RBM19: variants seen among roughly 807,000 people sequenced by gnomAD.
RBM19 encodes the protein probable RNA-binding protein 19.
A neutral mutation model predicts 116.8 loss-of-function variants in RBM19; 94 were observed. That is an observed-to-expected ratio of 0.80 (90% CI 0.68 to 0.95). The LOEUF (loss-of-function observed/expected upper bound fraction) is 0.95, where lower values mean the gene tolerates loss of function less well. RBM19 is among the 40% of genes least tolerant of loss of function. The probability of loss-of-function intolerance (pLI) is 0.00; values close to 1 mark genes in which losing one functional copy is unlikely to be tolerated. For synonymous variants in RBM19, 475 were observed against 494.1 expected (o/e 0.96, Z 0.51); for missense variants, 1,161 against 1,220.7 (o/e 0.95, Z 0.73).
chr12:113,848,284 G>A (rs1393808938), intron 22 of RBM19, among the ~76,000 whole-genome samples: 1 of 152,220 alleles, frequency 6.6e-6, no homozygotes, highest in African/African-American at 2.4e-5. Context: ...TTTTGTATTT[G>A]AAGTTAGAGC....
intron 19 of RBM19, among the ~76,000 whole-genome samples, chr12:113,918,671 C>T (rs1386830320): frequency 6.6e-6 from 1 of 152,238 alleles, no homozygotes; most frequent in South Asian, 2.1e-4. Context: ...TGGACGCTCT[C>T]TTAAGCCACA....
In RBM19 at chr12:113,959,244, C is replaced by A. The variant is rs766571643; in HGVS notation, c.539G>T (p.Ser180Ile). 6.2e-7 allele frequency: 1 copy of A among 1,612,866 alleles called. No individual in the cohort carries two copies. The highest frequency in any genetic ancestry group is 1.7e-5 in the Admixed American group (1 of 60,016). The change falls in exon 5 of 24, where the codon AGT becomes ATT. Residue 180 changes from serine to isoleucine, a missense_variant. Ser to Ile is a moderately radical substitution (Grantham distance 142, BLOSUM62 -2). Coordinates refer to ENST00000261741, the MANE Select transcript of RBM19 (RefSeq NM_016196.4). ...GTCCTCCCCGGCTCCCTCCTCCTCA[C>A]TCTCCTGCCCAGAATCGGAGTCGAA... ...LNFDSDSGQESEEEGAGEDLE... is the reference protein window; with the variant it reads ...LNFDSDSGQEIEEEGAGEDLE...
At chr12:113,928,556 G>A (rs570705496) in intron 16 of RBM19, among the ~76,000 whole-genome samples, 8 of 150,532 alleles carry the variant, frequency 5.3e-5, no homozygotes, top group African/African-American at 9.8e-5. Context: ...ACTTTGTACC[G>A]CTTCCACTCT....
At chr12:113,824,940 T>A (rs1177830214) in intron 23 of RBM19, among the ~76,000 whole-genome samples, 1 of 152,050 alleles carries the variant, frequency 6.6e-6, no homozygotes, top group African/African-American at 2.4e-5. Context: ...TCTGGAGGCA[T>A]CACTGGAGCT....
intron 23 of RBM19, among the ~76,000 whole-genome samples, chr12:113,839,180 G>T (rs749308552): frequency 3.3e-5 from 5 of 152,242 alleles, no homozygotes; most frequent in South Asian, 2.1e-4. Flanking sequence ...GTCTGCCAGG[G>T]CCCCAGGAGC....
intron 11 of RBM19, 79 bp downstream of exon 11, chr12:113,947,255 C>T: frequency 1.4e-6 from 2 of 1,461,848 alleles, no homozygotes; most frequent in East Asian, 2.3e-5. Context: ...TGTCCACACA[C>T]ATACACACAC....
chr12:113,858,858 T>A lies in RBM19; in HGVS notation c.2597A>T (p.Lys866Met). Residue 866 changes from lysine to methionine, a missense_variant, in exon 22 of 24, where the codon AAG becomes ATG. Lys to Met is a moderately conservative substitution (Grantham distance 95, BLOSUM62 -1). Transcript: ENST00000261741. ...GELKTVRLPK[K>M]MTGTGTHRGF... ...TCTGTGTGTGCCTGTCCCAGTCATC[T>A]TCTTTGGCAGGCGGACCGTCTTCAA... is the stretch of plus-strand genomic sequence containing the variant. 1 of 1,614,202 alleles carries A rather than the reference T, an allele frequency of 6.2e-7. No homozygotes were observed. The highest frequency in any genetic ancestry group is 8.5e-7 in the Non-Finnish European group (1 of 1,180,040).
intron 21 of RBM19, among the ~76,000 whole-genome samples, chr12:113,894,695 G>A (rs1881201843): frequency 6.6e-6 from 1 of 152,224 alleles, no homozygotes; most frequent in Non-Finnish European, 1.5e-5. Context: ...CCTGCTTACA[G>A]AGCTGCATTT....
chr12:113,929,062 G>A (rs1050882101), intron 16 of RBM19, among the ~76,000 whole-genome samples: 2 of 152,150 alleles, frequency 1.3e-5, no homozygotes, highest in African/African-American at 4.8e-5. Context: ...AGAAGCACCT[G>A]GAGGTCCCAC....
chr12:113,894,821 A>G (rs757767455), intron 21 of RBM19, among the ~76,000 whole-genome samples: 12 of 152,232 alleles, frequency 7.9e-5, no homozygotes, highest in Non-Finnish European at 1.6e-4. Context: ...AGTGCTTTGC[A>G]GACAGTCAAG....
chr12:113,943,218 T>A (rs1223657547), intron 13 of RBM19, among the ~76,000 whole-genome samples: 1 of 152,232 alleles, frequency 6.6e-6, no homozygotes, highest in East Asian at 1.9e-4. Context: ...CCTCTGCTAA[T>A]GTGTCAGTGT....
intron 17 of RBM19, 93 bp from the exon 18 acceptor site, chr12:113,924,850 T>C (rs2135873930): frequency 1.9e-6 from 2 of 1,047,868 alleles, no homozygotes; most frequent in Non-Finnish European, 3.0e-6. Flanking sequence ...ATTTGCCATA[T>C]GGACACCTTG....
At chr12:113,833,516 G>A (rs1875617776) in intron 23 of RBM19, among the ~76,000 whole-genome samples, 1 of 152,216 alleles carries the variant, frequency 6.6e-6, no homozygotes, top group Non-Finnish European at 1.5e-5. Flanking sequence ...GCCCCAGGAG[G>A]AAACCCTGCT....
At chr12:113,852,907 A>C (rs1877567544) in intron 22 of RBM19, among the ~76,000 whole-genome samples, 1 of 152,232 alleles carries the variant, frequency 6.6e-6, no homozygotes, top group South Asian at 2.1e-4. Flanking sequence ...CTGACAATCT[A>C]ATAGCGATGG....
intron 21 of RBM19, among the ~76,000 whole-genome samples, chr12:113,864,084 G>A (rs1349380501): frequency 1.3e-5 from 2 of 151,920 alleles, no homozygotes; most frequent in African/African-American, 4.8e-5. Context: ...GTCTCGGTGA[G>A]CCCTTACCTA....
chr12:113,840,989 C>T (rs1421280158), intron 23 of RBM19, among the ~76,000 whole-genome samples: 4 of 152,226 alleles, frequency 2.6e-5, no homozygotes, highest in African/African-American at 9.6e-5. Context: ...GCCCATCTCC[C>T]GTGGCACTGG....
At chr12:113,928,763 T>C (rs557030725) in intron 16 of RBM19, among the ~76,000 whole-genome samples, 5 of 151,762 alleles carry the variant, frequency 3.3e-5, no homozygotes, top group Admixed American at 6.6e-5. Context: ...CCTCAGGAAG[T>C]TGGAAGAGGG....
chr12:113,898,306 A>C lies in RBM19; in HGVS notation c.2558+16663T>G, dbSNP rs145321214. On this transcript the variant is annotated intron_variant, in intron 21 of 23. Coordinates refer to ENST00000261741, the MANE Select transcript of RBM19 (RefSeq NM_016196.4). The surrounding 1 kb of genome is among the most constrained non-coding windows in gnomAD (Gnocchi z 4.3). ...TAATACGTGTACATACATGTGTATC[A>C]TGATAGAACCGTGAAGAGATTTCAG... 2.5e-3 allele frequency among the ~76,000 whole-genome samples: 381 copies of C among 152,284 alleles called. 3 individuals carry two copies. Among genetic ancestry groups the C allele is most frequent in the African/African-American group, 8.5e-3 (355 of 41,538 alleles).
At chr12:113,892,147 T>G (rs982993994) in intron 21 of RBM19, among the ~76,000 whole-genome samples, 1 of 152,010 alleles carries the variant, frequency 6.6e-6, no homozygotes, top group African/African-American at 2.4e-5. Flanking sequence ...TATGAATAGG[T>G]GAGATGCCTA....
Sources: allele counts gnomAD v4.1 joint callset (sites outside exome capture counted in the v4.1 genomes callset), GRCh38; gene constraint gnomAD v4.1.1; non-coding constraint Gnocchi (gnomAD v3.1); transcripts MANE v1.5; gene names NCBI Gene and HGNC (gene_info 2026-07-23, HGNC 2026-07-21).